Variants in COG5 observed in about 807,000 individuals in gnomAD.
COG5 encodes the protein conserved oligomeric Golgi complex subunit 5.
A neutral mutation model predicts 110.4 loss-of-function variants in COG5; 86 were observed. The observed-to-expected ratio is 0.78, with a 90% CI of 0.65 to 0.93. The LOEUF is 0.93. COG5 is among the 40% of genes least tolerant of loss of function. The pLI is 0.00. For missense variants in COG5, 1,077 were observed against 987.0 expected (o/e 1.09, Z -1.22); for synonymous variants, 360 against 334.6 (o/e 1.08, Z -0.83).
At chr7:107,207,186 A>C (rs1798844413) in intron 21 of COG5, among the ~76,000 whole-genome samples, 1 of 152,266 alleles carries the variant, frequency 6.6e-6, no homozygotes. Flanking sequence ...TAAGCAGTTA[A>C]GCCCAGGCTT....
At chr7:107,353,462 G>C (rs1391893170) in intron 10 of COG5, among the ~76,000 whole-genome samples, 1 of 149,438 alleles carries the variant, frequency 6.7e-6, no homozygotes, top group Non-Finnish European at 1.5e-5. Context: ...AATATAGTAA[G>C]AGAAAAATAA....
At chr7:107,451,437 G>A (rs972999560) in intron 6 of COG5, among the ~76,000 whole-genome samples, 1 of 152,094 alleles carries the variant, frequency 6.6e-6, no homozygotes, top group Non-Finnish European at 1.5e-5. Flanking sequence ...TGTTACAGGC[G>A]CTGAAACTAA....
intron 7 of COG5, among the ~76,000 whole-genome samples, chr7:107,379,029 G>A (rs534453868): frequency 8.2e-4 from 125 of 152,218 alleles, no homozygotes; most frequent in Non-Finnish European, 1.3e-3. Context: ...GAGAAAGGTC[G>A]GGTTACCCAC....
intron 6 of COG5, chr7:107,473,935 A>G (rs1014823136): frequency 2.0e-6 from 1 of 493,106 alleles, no homozygotes. Context: ...TAAAAATTAA[A>G]CTAAGTACAC....
chr7:107,522,468 CA>C (rs1394178838), intron 6 of COG5, among the ~76,000 whole-genome samples: 42 of 152,118 alleles, frequency 2.8e-4, no homozygotes, highest in African/African-American at 9.9e-4. Flanking sequence ...AACTCCGTCT[CA>C]AAAAACAACA....
At chr7:107,217,515 G>A (rs75596260) in intron 19 of COG5, among the ~76,000 whole-genome samples, 8 of 152,088 alleles carry the variant, frequency 5.3e-5, no homozygotes, top group African/African-American at 1.4e-4. Flanking sequence ...CCAATTCTAC[G>A]GCACATTAAG....
At chr7:107,295,363 C>T (rs1043102862) in intron 12 of COG5, among the ~76,000 whole-genome samples, 3 of 151,818 alleles carry the variant, frequency 2.0e-5, no homozygotes, top group African/African-American at 7.3e-5. Flanking sequence ...CTCATAGAAG[C>T]TTTCTCTGAC....
intron 3 of COG5, among the ~76,000 whole-genome samples, chr7:107,549,763 A>G (rs1241661081): frequency 6.6e-6 from 1 of 151,498 alleles, no homozygotes; most frequent in Non-Finnish European, 1.5e-5. Context: ...AGTTGTTCCC[A>G]CTTCTCCTCT....
At position 107,412,548 on chromosome 7, in the gene COG5, A is replaced by C. The variant is rs757933211; in HGVS notation, c.623T>G (p.Val208Gly). 2 of 1,613,082 alleles carry C rather than the reference A, an allele frequency of 1.2e-6. No homozygotes were observed. Among genetic ancestry groups the C allele is most frequent in the South Asian group, 2.2e-5 (2 of 91,062 alleles). ...LLFIARARLE[V>G]ENQAKRLLEQ... ...TAGTAGGCGCTTAGCTTGATTTTCC[A>C]CTTCAAGTCGGGCTCTTGCAATAAA... The change falls in exon 7 of 22, where the codon GTG becomes GGG. Residue 208 changes from valine to glycine, a missense_variant. Transcript: ENST00000297135.
rs1584524608 is a variant in COG5, at chr7:107,210,673, T to C, written c.2296-68A>G. The C allele has an allele frequency of 1.0e-5, 15 of 1,498,032 alleles. No homozygotes were observed. In the East Asian group the frequency reaches 3.4e-4, roughly 34 times the overall value. 92.8% of individuals were successfully genotyped at this position (1,498,032 alleles called of 1,614,324 possible). On this transcript the variant is annotated intron_variant, in intron 20 of 21. Coordinates refer to ENST00000297135, the MANE Select transcript of COG5 (RefSeq NM_006348.5). Reference sequence around the variant, plus strand: ...TTTAGTAAATGGCAGCAAGTGCTGGTTCGAAAAGCACTCTCAAGTATTCCC... The same window carrying C: ...TTTAGTAAATGGCAGCAAGTGCTGGCTCGAAAAGCACTCTCAAGTATTCCC...
At chr7:107,475,275 G>T in intron 6 of COG5, 3 of 1,600,618 alleles carry the variant, frequency 1.9e-6, no homozygotes, top group South Asian at 1.1e-5. Context: ...ACAACTCTTG[G>T]ATAGATCCTA....
At chr7:107,449,106 A>G (rs534501846) in intron 6 of COG5, among the ~76,000 whole-genome samples, 2 of 152,284 alleles carry the variant, frequency 1.3e-5, no homozygotes, top group South Asian at 2.1e-4. Flanking sequence ...GTTCTCACTG[A>G]TAAGTGGGAG....
intron 7 of COG5, among the ~76,000 whole-genome samples, chr7:107,383,936 C>A (rs565631843): frequency 6.6e-6 from 1 of 152,254 alleles, no homozygotes; most frequent in South Asian, 2.1e-4. Flanking sequence ...GGGAAGAGAT[C>A]CCAGAAGCCC....
intron 6 of COG5, among the ~76,000 whole-genome samples, chr7:107,493,356 T>C (rs1798084521): frequency 6.6e-6 from 1 of 152,146 alleles, no homozygotes; most frequent in African/African-American, 2.4e-5. Flanking sequence ...TCAAAAGTTG[T>C]TAGGATCAAA....
chr7:107,404,613 C>A (rs1483848540), intron 7 of COG5, among the ~76,000 whole-genome samples: 1 of 151,844 alleles, frequency 6.6e-6, no homozygotes, highest in African/African-American at 2.4e-5. Context: ...GCTTGTGAGA[C>A]TGAAAAGCAG....
chr7:107,341,693 A>G (rs191852358), intron 10 of COG5, among the ~76,000 whole-genome samples: 9 of 152,310 alleles, frequency 5.9e-5, no homozygotes, highest in Admixed American at 3.9e-4. Context: ...CCAATGGAAC[A>G]GAATGGAGAA....
intron 6 of COG5, among the ~76,000 whole-genome samples, chr7:107,511,797 C>G (rs1484808319): frequency 1.3e-5 from 2 of 152,144 alleles, no homozygotes; most frequent in African/African-American, 4.8e-5. Flanking sequence ...ACAAAAACCA[C>G]ACGATTATCT....
chr7:107,361,245 A>G (rs973022063), intron 10 of COG5, among the ~76,000 whole-genome samples: 7 of 152,200 alleles, frequency 4.6e-5, no homozygotes, highest in East Asian at 1.9e-4. Flanking sequence ...CTATGCATGG[A>G]AAGAATTCTT....
intron 14 of COG5, among the ~76,000 whole-genome samples, chr7:107,264,783 A>C (rs1803667382): frequency 6.6e-6 from 1 of 152,150 alleles, no homozygotes; most frequent in African/African-American, 2.4e-5. Flanking sequence ...TATATTTATA[A>C]AACTGAGAAA....
Sources: gnomAD v4.1 joint callset for allele counts (sites outside exome capture counted in the v4.1 genomes callset) on GRCh38, gnomAD v4.1.1 for gene constraint, MANE v1.5 for transcripts, NCBI Gene and HGNC (gene_info 2026-07-23, HGNC 2026-07-21) for gene names.